KCNQ1: variants seen among roughly 807,000 people sequenced by gnomAD.
The protein encoded by KCNQ1 is potassium voltage-gated channel subfamily KQT member 1.
In KCNQ1, 49 loss-of-function variants were observed where a neutral mutation model predicts 72.4. That is an observed-to-expected ratio of 0.68 (90% CI 0.54 to 0.86). KCNQ1 has a LOEUF of 0.86. Ranked by LOEUF, KCNQ1 falls within the 40% of genes least tolerant of loss-of-function variation. The pLI is 0.00. For synonymous variants in KCNQ1, 450 were observed against 412.6 expected, an observed-to-expected ratio of 1.09 and a Z score of -1.10; for missense variants, 790 against 945.1, an observed-to-expected ratio of 0.84 and a Z score of 2.15.
intron 15 of KCNQ1, among the ~76,000 whole-genome samples, chr11:2,822,758 G>C (rs939047456): frequency 6.1e-4 from 93 of 152,300 alleles, no homozygotes; most frequent in Non-Finnish European, 1.6e-4. Context: ...GCTCAGCTCA[G>C]AACAGGGGGA....
intron 2 of KCNQ1, among the ~76,000 whole-genome samples, chr11:2,554,605 A>G (rs1027565540): frequency 2.0e-5 from 3 of 152,222 alleles, no homozygotes; most frequent in Non-Finnish European, 2.9e-5. Context: ...GGATTCTGCA[A>G]CAGGACACCG....
chr11:2,581,932 G>A (rs186923541), intron 6 of KCNQ1, among the ~76,000 whole-genome samples: 147 of 152,336 alleles, frequency 9.6e-4, no homozygotes, highest in African/African-American at 3.4e-3. Flanking sequence ...GGAGAGCTCC[G>A]TGTGCAGCTG....
At position 2,599,719 on chromosome 11, in the gene KCNQ1, A is replaced by C. The variant is rs1848774900; in HGVS notation, c.1393+10865A>C. Among the ~76,000 whole-genome samples, 2 of 152,062 alleles carry C rather than the reference A, an allele frequency of 1.3e-5. No homozygotes were observed. The highest frequency in any genetic ancestry group is 2.9e-5 in the Non-Finnish European group (2 of 67,996). On this transcript the variant is annotated intron_variant, in intron 10 of 15. Coordinates refer to ENST00000155840, the MANE Select transcript of KCNQ1 (RefSeq NM_000218.3). The surrounding 1 kb of genome is among the most constrained non-coding windows in gnomAD (Gnocchi z 4.7). The stretch of plus-strand genomic sequence containing the variant: ...ATGGCCGCCTTCTTCCTGTGTCATC[A>C]CATGACCATTGCTCTGGGCACTTGC...
rs1850344167 is a variant in KCNQ1 at position 2,679,147 on chromosome 11, T to C, written c.1514+17066T>C. ...GGCCAAAATGGTTTCATGGCATGAG[T>C]TGGGCAGCAGCGACTCAGTTTCCAT... is the stretch of plus-strand genomic sequence containing the variant. On this transcript the variant is annotated intron_variant, in intron 11 of 15. Coordinates refer to ENST00000155840, the MANE Select transcript of KCNQ1 (RefSeq NM_000218.3). This position sits in a 1 kb window ranked among gnomAD's most constrained non-coding sequence, Gnocchi z 4.8. 6 of 398,574 alleles carry C rather than the reference T, an allele frequency of 1.5e-5. No homozygotes were observed. In the East Asian group the frequency reaches 1.8e-4, roughly 12 times the overall value. The allele number at this position is 398,574 out of a possible 1,614,324, so 24.7% of individuals were successfully genotyped here.
In KCNQ1 at chr11:2,713,968, A is replaced by T. The variant is rs1851047977; in HGVS notation, c.1514+51887A>T. 6.6e-6 allele frequency among the ~76,000 whole-genome samples: 1 copy of T among 152,098 alleles called. No homozygotes were observed. Among genetic ancestry groups the T allele is most frequent in the African/African-American group, 2.4e-5 (1 of 41,412 alleles). On this transcript the variant is annotated intron_variant, in intron 11 of 15. Coordinates refer to ENST00000155840, the MANE Select transcript of KCNQ1 (RefSeq NM_000218.3). This position sits in a 1 kb window ranked among gnomAD's most constrained non-coding sequence, Gnocchi z 5.6. ...CTGCTCGGTTCCTGCTAACTCAGGG[A>T]GCTCCAGGTGGCTGCCACTCAGGGG... is the stretch of plus-strand genomic sequence containing the variant.
chr11:2,587,556 CT>C lies in KCNQ1; in HGVS notation c.1129-13del. On this transcript the variant is annotated splice_polypyrimidine_tract_variant and intron_variant, in intron 8 of 15. Transcript: ENST00000155840. ...GCTCAGCAGGTGACAGCCTGTCCCC[CT>C]GCCCGACCTCAGACCGCATGGAGGT... 1 of 1,613,594 alleles carries C rather than the reference CT, an allele frequency of 6.2e-7. No individual in the cohort carries two copies. Among genetic ancestry groups the C allele is most frequent in the Non-Finnish European group, 8.5e-7 (1 of 1,180,002 alleles).
chr11:2,840,505 AAC>A (rs1419410397), intron 15 of KCNQ1: 1 of 140,210 alleles, frequency 7.1e-6, no homozygotes, highest in Non-Finnish European at 1.5e-5. Context: ...TAGGGGGTAA[AAC>A]ACAAATCAAA....
rs1272536662 is a variant in KCNQ1 at position 2,828,800 on chromosome 11, C to T, written c.1795-18967C>T. The stretch of plus-strand genomic sequence containing the variant: ...CCTCCTCCCCCACTTCCCTCATCAA[C>T]TCCCAGAATGCCCGGTGGGGCACAC... On this transcript the variant is annotated intron_variant, in intron 15 of 15. Coordinates refer to ENST00000155840, the MANE Select transcript of KCNQ1 (RefSeq NM_000218.3). This position sits in a 1 kb window ranked among gnomAD's most constrained non-coding sequence, Gnocchi z 5.3. Among the ~76,000 whole-genome samples, 1 of 152,250 alleles carries T rather than the reference C, an allele frequency of 6.6e-6. No homozygotes were observed. Among genetic ancestry groups the T allele is most frequent in the East Asian group, 1.9e-4 (1 of 5,204 alleles).
Position 2,579,784 on chromosome 11 carries a change from G to A in KCNQ1, c.922-3651G>A, listed in dbSNP as rs937461067. ...CTTCTACTGACCACCCAGCCAGCCA[G>A]CAGGAGCCCACGTGCACCCAGCTCA... is the stretch of plus-strand genomic sequence containing the variant. On this transcript the variant is annotated intron_variant, in intron 6 of 15. Coordinates refer to ENST00000155840, the MANE Select transcript of KCNQ1 (RefSeq NM_000218.3). This position sits in a 1 kb window ranked among gnomAD's most constrained non-coding sequence, Gnocchi z 6.0. 6.6e-6 allele frequency among the ~76,000 whole-genome samples: 1 copy of A among 152,094 alleles called. No homozygotes were observed. The highest frequency in any genetic ancestry group is 1.5e-5 in the Non-Finnish European group (1 of 68,008).
At chr11:2,819,385 C>T (rs1847686157) in intron 15 of KCNQ1, among the ~76,000 whole-genome samples, 1 of 152,204 alleles carries the variant, frequency 6.6e-6, no homozygotes, top group Admixed American at 6.5e-5. Flanking sequence ...GAATGGGAGA[C>T]ATCCAACACG....
Position 2,723,746 on chromosome 11 carries a change from G to A in KCNQ1, c.1515-45098G>A, listed in dbSNP as rs1845710081. On this transcript the variant is annotated intron_variant, in intron 11 of 15. Transcript: ENST00000155840. The surrounding 1 kb of genome is among the most constrained non-coding windows in gnomAD (Gnocchi z 4.2). ...TTGGCAGACAGCCTCTCCTCTACTA[G>A]CTAGTGGGGCCTCACTAACCGCTGG... Among the ~76,000 whole-genome samples, 1 of 152,198 alleles carries A rather than the reference G, an allele frequency of 6.6e-6. No homozygotes were observed. The highest frequency in any genetic ancestry group is 6.5e-5 in the Admixed American group (1 of 15,278).
chr11:2,456,676 C>T (rs1430695831), intron 1 of KCNQ1, among the ~76,000 whole-genome samples: 10 of 150,008 alleles, frequency 6.7e-5, no homozygotes, highest in East Asian at 3.9e-4. Context: ...AATCCCAGCA[C>T]GTTGGGAGGC....
chr11:2,484,835 G>T lies in KCNQ1; in HGVS notation c.386+39351G>T, dbSNP rs1447762838. 1.3e-5 allele frequency among the ~76,000 whole-genome samples: 2 copies of T among 152,164 alleles called. No homozygotes were observed. The highest frequency in any genetic ancestry group is 3.9e-4 in the East Asian group (2 of 5,180). On this transcript the variant is annotated intron_variant, in intron 1 of 15. Coordinates refer to ENST00000155840, the MANE Select transcript of KCNQ1 (RefSeq NM_000218.3). The surrounding 1 kb of genome is among the most constrained non-coding windows in gnomAD (Gnocchi z 5.2). ...TGCAGATATATTCATACATGAGTGG[G>T]CTCATACTGTCTCCAACTCCAGTTC...
intron 6 of KCNQ1, among the ~76,000 whole-genome samples, chr11:2,578,188 AGTG>A (rs941972808): frequency 5.9e-5 from 9 of 152,160 alleles, no homozygotes; most frequent in Non-Finnish European, 1.2e-4. Flanking sequence ...GCCCGTGAGA[AGTG>A]TGTTGTGATC....
rs866205023 is a variant in KCNQ1, at chr11:2,563,531, G to A, written c.478-7097G>A. ...TACCTTGAGCTTCCATTTTCCTTCC[G>A]CACCATGCACTGATTTCCCCTGGGT... is the stretch of plus-strand genomic sequence containing the variant. On this transcript the variant is annotated intron_variant, in intron 2 of 15. Coordinates refer to ENST00000155840, the MANE Select transcript of KCNQ1 (RefSeq NM_000218.3). The surrounding 1 kb of genome is among the most constrained non-coding windows in gnomAD (Gnocchi z 7.4). Among the ~76,000 whole-genome samples the A allele has an allele frequency of 6.0e-4, 91 of 152,158 alleles. No individual in the cohort carries two copies. Among genetic ancestry groups the A allele is most frequent in the African/African-American group, 2.0e-3 (81 of 41,434 alleles).
intron 2 of KCNQ1, among the ~76,000 whole-genome samples, chr11:2,551,936 T>G (rs749226969): frequency 1.6e-4 from 25 of 152,394 alleles, no homozygotes; most frequent in Non-Finnish European, 3.1e-4. Context: ...TTAGGTTGTC[T>G]TCTTAGAATA....
rs1490858527 is a variant in KCNQ1, at chr11:2,762,920, A to G, written c.1515-5924A>G. On this transcript the variant is annotated intron_variant, in intron 11 of 15. Transcript: ENST00000155840. This position sits in a 1 kb window ranked among gnomAD's most constrained non-coding sequence, Gnocchi z 4.3. ...ACCCCCACTGTTCATCTGTCTGCCC[A>G]CACGCTCTTAATCAAGCCCTGTGGC... Among the ~76,000 whole-genome samples, 1 of 151,666 alleles carries G rather than the reference A, an allele frequency of 6.6e-6. No individual in the cohort carries two copies. Among genetic ancestry groups the G allele is most frequent in the African/African-American group, 2.4e-5 (1 of 41,182 alleles).
chr11:2,582,409 C>T (rs1321929750), intron 6 of KCNQ1, among the ~76,000 whole-genome samples: 3 of 152,226 alleles, frequency 2.0e-5, no homozygotes, highest in Non-Finnish European at 2.9e-5. Context: ...GGCCTCAGGC[C>T]TTCCTGCCAT....
intron 15 of KCNQ1, among the ~76,000 whole-genome samples, chr11:2,788,184 T>G (rs974191128): frequency 4.0e-5 from 6 of 150,204 alleles, no homozygotes; most frequent in African/African-American, 1.5e-4. Flanking sequence ...GATGCATCCC[T>G]GCAGACCCCT....
Sources: gnomAD v4.1 joint callset for allele counts (sites outside exome capture counted in the v4.1 genomes callset) on GRCh38, gnomAD v4.1.1 for gene constraint, Gnocchi (gnomAD v3.1) non-coding constraint, MANE v1.5 for transcripts, NCBI Gene and HGNC (gene_info 2026-07-23, HGNC 2026-07-21) for gene names.